The following WDR97 variants were observed in gnomAD, a reference collection of about 807,000 sequenced individuals.
WDR97 encodes WD repeat-containing protein 97.
WDR97 carries 111 observed loss-of-function variants against 65.4 expected under a neutral mutation model. The ratio of observed to expected loss-of-function variants is 1.70; its 90% CI spans 1.45 to 1.99. The LOEUF (loss-of-function observed/expected upper bound fraction) is 1.99. Among genes scored for constraint, WDR97 ranks in the 30% most tolerant of loss-of-function variants. The pLI, the probability that WDR97 is intolerant of heterozygous loss-of-function variation, is 0.00. For synonymous variants in WDR97, 802 were observed against 397.7 expected (o/e 2.02, Z -12.10); for missense variants, 1,674 against 865.0 (o/e 1.94, Z -11.73).
chr8:144,114,932 G>A (rs1303705737), intron 21 of WDR97, 21 bp downstream of exon 21: 1 of 670,032 alleles, frequency 1.5e-6, no homozygotes, highest in Non-Finnish European at 2.7e-6. Context: ...CAGGGGCCGG[G>A]GGGGCCTTGG....
chr8:144,114,923 A>G lies in WDR97; in HGVS notation c.4077+12A>G. ...TCCAGGAGCTTCAGGTTGGGCCGGC[A>G]GGGGCCGGGGGGGCCTTGGGAACCC... On this transcript the variant is annotated intron_variant, in intron 21 of 23. Coordinates refer to ENST00000323662, the MANE Select transcript of WDR97 (RefSeq NM_001316309.2). 5.8e-6 allele frequency: 4 copies of G among 684,286 alleles called. No homozygotes were observed. Among genetic ancestry groups the G allele is most frequent in the Non-Finnish European group, 1.1e-5 (4 of 377,800 alleles). 42.4% of individuals were successfully genotyped at this position (684,286 alleles called of 1,614,324 possible).
At chr8:144,115,910 C>T in intron 22 of WDR97, 33 bp from the exon 23 acceptor site, 1 of 700,702 alleles carries the variant, frequency 1.4e-6, no homozygotes, top group Non-Finnish European at 2.6e-6. Flanking sequence ...AAGCGTGGGG[C>T]TGGGCCAGCT....
rs1462157330 is a variant in WDR97, at chr8:144,111,225, C to A, written c.2426+3C>A. ...CTCCATGGGGCAGCCAGCCTCAGGT[C>A]CCATGCAGGCCTGCTCAGCCCTCCT... On this transcript the variant is annotated splice_donor_region_variant and intron_variant, in intron 10 of 23. Transcript: ENST00000323662. 1.4e-6 allele frequency: 1 copy of A among 702,742 alleles called. No homozygotes were observed. The highest frequency in any genetic ancestry group is 2.0e-5 in the Admixed American group (1 of 50,018). 43.5% of individuals were successfully genotyped at this position (702,742 alleles called of 1,614,324 possible). A position where few individuals can be genotyped will look rare whatever the true frequency, so the allele number is the denominator to read the frequency against.
In WDR97 at chr8:144,108,846, C is replaced by T. The variant is rs1054256764; in HGVS notation, c.780C>T (p.His260=). ...MRLAVAPVPP[H]HVLRCFAAYG... ...TGGCTGTGGCGCCGGTTCCTCCCCACCACGTCCTGCGCTGCTTCGCGGCCT... is the reference window on the plus strand; with the variant it reads ...TGGCTGTGGCGCCGGTTCCTCCCCATCACGTCCTGCGCTGCTTCGCGGCCT... Residue 260 remains histidine (H), a synonymous_variant, in exon 3 of 24, where the codon CAC becomes CAT. Transcript: ENST00000323662. 1.4e-6 allele frequency: 1 copy of T among 702,924 alleles called. No individual in the cohort carries two copies. The highest frequency in any genetic ancestry group is 2.0e-5 in the Admixed American group (1 of 50,018). 43.5% of individuals were successfully genotyped at this position (702,924 alleles called of 1,614,324 possible). A position where few individuals can be genotyped will look rare whatever the true frequency, so the allele number is the denominator to read the frequency against.
In WDR97 at chr8:144,111,083, G is replaced by A. The variant is rs762238094; in HGVS notation, c.2305-18G>A. ...CAGGTTCCCCCAGCCAGGGATACAG[G>A]CTCCTTCCCCTATTCAGAAGATGTG... On this transcript the variant is annotated intron_variant, in intron 9 of 23. Coordinates refer to ENST00000323662, the MANE Select transcript of WDR97 (RefSeq NM_001316309.2). 1.4e-6 allele frequency: 1 copy of A among 702,820 alleles called. No homozygotes were observed. Among genetic ancestry groups the A allele is most frequent in the East Asian group, 2.7e-5 (1 of 37,280 alleles). 43.5% of individuals were successfully genotyped at this position (702,820 alleles called of 1,614,324 possible). A position where few individuals can be genotyped will look rare whatever the true frequency, so the allele number is the denominator to read the frequency against.
At chr8:144,113,557 A>G (rs1564322550) in intron 16 of WDR97, 40 bp downstream of exon 16, 1 of 686,902 alleles carries the variant, frequency 1.5e-6, no homozygotes, top group East Asian at 2.7e-5. Context: ...CGCCTCCCAG[A>G]GAAAGCTCGA....
chr8:144,112,655 C>G, intron 15 of WDR97, 125 bp downstream of exon 15: 1 of 659,476 alleles, frequency 1.5e-6, no homozygotes. Context: ...CCACCTACAA[C>G]CAGAGGGCCA....
chr8:144,115,843 C>T lies in WDR97; in HGVS notation c.4580C>T (p.Pro1527Leu). ...VAPVPDMVVP[P>L]PREHWYHPIL... ...CCGGTGCCCGACATGGTGGTGCCACCTCCGCGGGAGCACTGGTGCGCGGGG... is the reference window on the plus strand; with the variant it reads ...CCGGTGCCCGACATGGTGGTGCCACTTCCGCGGGAGCACTGGTGCGCGGGG... The change falls in exon 22 of 24, where the codon CCT becomes CTT. Residue 1527 changes from proline to leucine, a missense_variant. Coordinates refer to ENST00000323662, the MANE Select transcript of WDR97 (RefSeq NM_001316309.2). 1 of 689,254 alleles carries T rather than the reference C, an allele frequency of 1.5e-6. No individual in the cohort carries two copies. The highest frequency in any genetic ancestry group is 2.7e-6 in the Non-Finnish European group (1 of 376,424). 42.7% of individuals were successfully genotyped at this position (689,254 alleles called of 1,614,324 possible).
chr8:144,109,183 C>G lies in WDR97; in HGVS notation c.1000+13C>G, dbSNP rs1399294148. On this transcript the variant is annotated intron_variant, in intron 4 of 23. Coordinates refer to ENST00000323662, the MANE Select transcript of WDR97 (RefSeq NM_001316309.2). ...GTGGGCCACACAGGTGCTCTGAGTT[C>G]TCTGCACCCCGAGCCTCGGCCCTTT... 1.4e-6 allele frequency: 1 copy of G among 702,882 alleles called. No individual in the cohort carries two copies. Among genetic ancestry groups the G allele is most frequent in the Non-Finnish European group, 2.6e-6 (1 of 384,976 alleles). The allele number at this position is 702,882 out of a possible 1,614,324, so 43.5% of individuals were successfully genotyped here.
Position 144,110,137 on chromosome 8 carries a change from C to T in WDR97, c.1724C>T (p.Thr575Met). ...AGGTACCTGCCAGTGGTGGGGCACACGGACGGCACGCTGTCGGTGCTGGAG... is the reference window on the plus strand; with the variant it reads ...AGGTACCTGCCAGTGGTGGGGCACATGGACGGCACGCTGTCGGTGCTGGAG... Reference protein sequence around the residue: ...KNRYLPVVGHTDGTLSVLEWL... With the variant: ...KNRYLPVVGHMDGTLSVLEWL... Residue 575 changes from threonine to methionine, a missense_variant, in exon 6 of 24, where the codon ACG becomes ATG. Thr to Met is a moderately conservative substitution (Grantham distance 81). Coordinates refer to ENST00000323662, the MANE Select transcript of WDR97 (RefSeq NM_001316309.2). The T allele has an allele frequency of 1.4e-6, 1 of 702,718 alleles. No individual in the cohort carries two copies. The highest frequency in any genetic ancestry group is 2.6e-6 in the Non-Finnish European group (1 of 384,896). 43.5% of individuals were successfully genotyped at this position (702,718 alleles called of 1,614,324 possible).
At position 144,115,821 on chromosome 8, in the gene WDR97, G is replaced by T. The variant is rs1836643052; in HGVS notation, c.4558G>T (p.Val1520Leu). 1 of 688,058 alleles carries T rather than the reference G, an allele frequency of 1.5e-6. No homozygotes were observed. The highest frequency in any genetic ancestry group is 2.7e-6 in the Non-Finnish European group (1 of 375,822). The allele number at this position is 688,058 out of a possible 1,614,324, so 42.6% of individuals were successfully genotyped here. ...GCCAGAGCCCTACACGGTGGCGCCGGTGCCCGACATGGTGGTGCCACCTCC... is the reference window on the plus strand; with the variant it reads ...GCCAGAGCCCTACACGGTGGCGCCGTTGCCCGACATGGTGGTGCCACCTCC... ...HPPEPYTVAP[V>L]PDMVVPPPRE... Residue 1520 changes from valine to leucine, a missense_variant, in exon 22 of 24, where the codon GTG (valine) becomes TTG (leucine). Physicochemically the swap from Val to Leu is conservative, Grantham distance 32. Transcript: ENST00000323662.
chr8:144,114,925 G>T lies in WDR97; in HGVS notation c.4077+14G>T. On this transcript the variant is annotated intron_variant, in intron 21 of 23. Transcript: ENST00000323662. ...CAGGAGCTTCAGGTTGGGCCGGCAGGGGCCGGGGGGGCCTTGGGAACCCTG... is the reference window on the plus strand; with the variant it reads ...CAGGAGCTTCAGGTTGGGCCGGCAGTGGCCGGGGGGGCCTTGGGAACCCTG... 1 of 674,228 alleles carries T rather than the reference G, an allele frequency of 1.5e-6. No individual in the cohort carries two copies. The highest frequency in any genetic ancestry group is 1.6e-5 in the South Asian group (1 of 63,498). The allele number at this position is 674,228 out of a possible 1,614,324, so 41.8% of individuals were successfully genotyped here.
chr8:144,111,315 A>AGCCT (rs1210467356), intron 10 of WDR97, 93 bp downstream of exon 10: 1 of 702,546 alleles, frequency 1.4e-6, no homozygotes, highest in Non-Finnish European at 2.6e-6. Context: ...AGTTGATACA[A>AGCCT]GCCTGCCTGA....
At position 144,108,310 on chromosome 8, in the gene WDR97, C is replaced by G. The variant is rs1217618123; in HGVS notation, c.250-6C>G. 2.9e-6 allele frequency: 2 copies of G among 693,294 alleles called. No homozygotes were observed. The highest frequency in any genetic ancestry group is 2.1e-5 in the Admixed American group (1 of 46,522). 42.9% of individuals were successfully genotyped at this position (693,294 alleles called of 1,614,324 possible). A position where few individuals can be genotyped will look rare whatever the true frequency, so the allele number is the denominator to read the frequency against. On this transcript the variant is annotated splice_region_variant and splice_polypyrimidine_tract_variant and intron_variant, in intron 2 of 23. Transcript: ENST00000323662. ...TGATTGCGGGCCCGCCCACCCCGGCCCACAGGAGAAGAGAGCCGAGCTGCG... is the reference window on the plus strand; with the variant it reads ...TGATTGCGGGCCCGCCCACCCCGGCGCACAGGAGAAGAGAGCCGAGCTGCG...
chr8:144,112,834 G>T (rs1449579450), intron 15 of WDR97: 1 of 474,682 alleles, frequency 2.1e-6, no homozygotes, highest in Non-Finnish European at 3.8e-6. Context: ...CCCCCGTGGA[G>T]GCGCTGGGAG....
In WDR97 at chr8:144,114,964, C is replaced by T. The variant is rs184565439; in HGVS notation, c.4077+53C>T. The T allele has an allele frequency of 1.1e-3, 699 of 638,854 alleles. 6 individuals carry two copies. The African/African-American group carries it at 0.012, about 11-fold the overall frequency. The allele number at this position is 638,854 out of a possible 1,614,324, so 39.6% of individuals were successfully genotyped here. On this transcript the variant is annotated intron_variant, in intron 21 of 23. Coordinates refer to ENST00000323662, the MANE Select transcript of WDR97 (RefSeq NM_001316309.2). ...TTGGGAACCCTGTTGCCTTCTCTGG[C>T]TTTCTGCAAGTCCTGGGGTCAAAGC... is the stretch of plus-strand genomic sequence containing the variant.
Position 144,117,544 on chromosome 8 carries a change from A to T in WDR97, c.*1251A>T, listed in dbSNP as rs1814786070. 6.6e-6 allele frequency: 1 copy of T among 152,430 alleles called. No homozygotes were observed. Among genetic ancestry groups the T allele is most frequent in the Admixed American group, 6.6e-5 (1 of 15,266 alleles). The allele number at this position is 152,430 out of a possible 1,614,324, so 9.4% of individuals were successfully genotyped here. A position where few individuals can be genotyped will look rare whatever the true frequency, so the allele number is the denominator to read the frequency against. On this transcript the variant is annotated 3_prime_UTR_variant, in exon 24 of 24. Transcript: ENST00000323662. ...CAGGGGGCAGGGGGGGATCTGAGGG[A>T]CCCCACATGACTTACAATCAGACAA...
At position 144,115,870 on chromosome 8, in the gene WDR97, C is replaced by G; in HGVS notation, c.4595+12C>G. 1.4e-6 allele frequency: 1 copy of G among 695,272 alleles called. No individual in the cohort carries two copies. Among genetic ancestry groups the G allele is most frequent in the Non-Finnish European group, 2.6e-6 (1 of 380,434 alleles). 43.1% of individuals were successfully genotyped at this position (695,272 alleles called of 1,614,324 possible). On this transcript the variant is annotated intron_variant, in intron 22 of 23. Transcript: ENST00000323662. ...CCGCGGGAGCACTGGTGCGCGGGGCCTGCGCCGGCGGGGCCTGCGTGGGGC... is the reference window on the plus strand; with the variant it reads ...CCGCGGGAGCACTGGTGCGCGGGGCGTGCGCCGGCGGGGCCTGCGTGGGGC...
chr8:144,114,853 A>C lies in WDR97; in HGVS notation c.4019A>C (p.Lys1340Thr), dbSNP rs1467992829. Residue 1340 changes from lysine (K) to threonine (T), a missense_variant, in exon 21 of 24, where the codon AAG becomes ACG. Lys to Thr is a moderately conservative substitution (Grantham distance 78, BLOSUM62 -1). Transcript: ENST00000323662. Reference protein sequence around the residue: ...TWVQGPDLDSKAGLRTCCHQK... With the variant: ...TWVQGPDLDSTAGLRTCCHQK... Reference sequence around the variant, plus strand: ...GTCCAGGGCCCAGACCTGGACTCCAAGGCCGGCCTGCGCACTTGCTGCCAC... The same window carrying C: ...GTCCAGGGCCCAGACCTGGACTCCACGGCCGGCCTGCGCACTTGCTGCCAC... 2.8e-6 allele frequency: 2 copies of C among 702,550 alleles called. No homozygotes were observed. Among genetic ancestry groups the C allele is most frequent in the Non-Finnish European group, 5.2e-6 (2 of 384,908 alleles). The allele number at this position is 702,550 out of a possible 1,614,324, so 43.5% of individuals were successfully genotyped here.
Sources: gnomAD v4.1 joint callset for allele counts on GRCh38, gnomAD v4.1.1 for gene constraint, MANE v1.5 for transcripts, NCBI Gene and HGNC (gene_info 2026-07-23, HGNC 2026-07-21) for gene names.